RFTN1: variants seen among roughly 807,000 people sequenced by gnomAD.
The protein encoded by RFTN1 is raftlin.
A neutral mutation model predicts 46.5 loss-of-function variants in RFTN1; 26 were observed. The observed-to-expected ratio is 0.56, with a 90% CI of 0.41 to 0.78. RFTN1 has a LOEUF of 0.78. Among genes scored for constraint, RFTN1 ranks in the 30% least tolerant of loss-of-function variants. The pLI, the probability that RFTN1 is intolerant of heterozygous loss-of-function variation, is 0.00. For synonymous variants in RFTN1, 261 were observed against 284.2 expected (o/e 0.92, Z 0.82); for missense variants, 693 against 718.7 (o/e 0.96, Z 0.41).
rs1472494129 is a variant in RFTN1, at chr3:16,460,211, AT to A, written c.146-26175del. Among the ~76,000 whole-genome samples the A allele has an allele frequency of 6.6e-6, 1 of 152,094 alleles. No individual in the cohort carries two copies. Among genetic ancestry groups the A allele is most frequent in the Non-Finnish European group, 1.5e-5 (1 of 68,010 alleles). On this transcript the variant is annotated intron_variant, in intron 2 of 9. Coordinates refer to ENST00000334133, the MANE Select transcript of RFTN1 (RefSeq NM_015150.2). This position sits in a 1 kb window ranked among gnomAD's most constrained non-coding sequence, Gnocchi z 4.8. ...TCTCAATTTCTCTTTTTCCACCGTG[AT>A]TTTTATCTATTGTGTTATTTTGATA...
rs1312850810 is a variant in RFTN1 at position 16,480,457 on chromosome 3, C to CAGGT, written c.145+13264_145+13267dup. ...ACATCTCAGTGGCTGCTAAGTGTAG[C>CAGGT]AGGTACTCCTTGCCCATGTAATTTT... On this transcript the variant is annotated intron_variant, in intron 2 of 9. Coordinates refer to ENST00000334133, the MANE Select transcript of RFTN1 (RefSeq NM_015150.2). This position sits in a 1 kb window ranked among gnomAD's most constrained non-coding sequence, Gnocchi z 4.3. 6.6e-6 allele frequency among the ~76,000 whole-genome samples: 1 copy of CAGGT among 152,182 alleles called. No homozygotes were observed. The highest frequency in any genetic ancestry group is 2.4e-5 in the African/African-American group (1 of 41,432).
chr3:16,482,231 C>T (rs762417305), intron 2 of RFTN1, among the ~76,000 whole-genome samples: 2 of 152,238 alleles, frequency 1.3e-5, no homozygotes, highest in Non-Finnish European at 2.9e-5. Flanking sequence ...CAAGACCACC[C>T]TATTTGTCAG....
At chr3:16,497,416 A>G (rs2076643616) in intron 1 of RFTN1, among the ~76,000 whole-genome samples, 1 of 152,248 alleles carries the variant, frequency 6.6e-6, no homozygotes, top group South Asian at 2.1e-4. Context: ...CTGTGTATAC[A>G]TTACAGAGTT....
At chr3:16,467,062 T>C (rs1341802853) in intron 2 of RFTN1, among the ~76,000 whole-genome samples, 1 of 152,116 alleles carries the variant, frequency 6.6e-6, no homozygotes, top group African/African-American at 2.4e-5. Flanking sequence ...GCGTTTAGTC[T>C]AATGATGTGT....
At chr3:16,406,667 A>C (rs775689045) in intron 4 of RFTN1, among the ~76,000 whole-genome samples, 6 of 152,224 alleles carry the variant, frequency 3.9e-5, no homozygotes, top group Non-Finnish European at 7.3e-5. Context: ...ATAAGTCTTC[A>C]CTTAATGTTG....
At chr3:16,441,709 T>C (rs929362138) in intron 2 of RFTN1, among the ~76,000 whole-genome samples, 1 of 152,238 alleles carries the variant, frequency 6.6e-6, no homozygotes, top group Non-Finnish European at 1.5e-5. Context: ...GGTCTTCTAA[T>C]TACATCCGCT....
At chr3:16,401,659 T>A (rs9853719) in intron 4 of RFTN1, among the ~76,000 whole-genome samples, 1 of 152,040 alleles carries the variant, frequency 6.6e-6, no homozygotes, top group Non-Finnish European at 1.5e-5. Context: ...AGTATATCTC[T>A]GTTATGAATT....
Position 16,341,590 on chromosome 3 carries a change from A to G in RFTN1, c.1147-14714T>C, listed in dbSNP as rs573341949. ...TCTGTAGATTCAGTTCAGTTTTGCT[A>G]TGAACCTAAAACTACTCTAAAATAT... On this transcript the variant is annotated intron_variant, in intron 7 of 9. Coordinates refer to ENST00000334133, the MANE Select transcript of RFTN1 (RefSeq NM_015150.2). This position sits in a 1 kb window ranked among gnomAD's most constrained non-coding sequence, Gnocchi z 4.7. Among the ~76,000 whole-genome samples, 286 of 152,324 alleles carry G rather than the reference A, an allele frequency of 1.9e-3. 3 individuals are homozygous for G. The highest frequency in any genetic ancestry group is 6.2e-3 in the African/African-American group (259 of 41,580).
In RFTN1 at chr3:16,429,702, A is replaced by G. The variant is rs2075347940; in HGVS notation, c.332+4149T>C. On this transcript the variant is annotated intron_variant, in intron 3 of 9. Coordinates refer to ENST00000334133, the MANE Select transcript of RFTN1 (RefSeq NM_015150.2). This position sits in a 1 kb window ranked among gnomAD's most constrained non-coding sequence, Gnocchi z 6.4. The stretch of plus-strand genomic sequence containing the variant: ...GTGTTAGTGAATGAGTGAGGGGATA[A>G]ATGCAGGCTTGAGGGGTTCCGTCTG... Among the ~76,000 whole-genome samples, 1 of 152,188 alleles carries G rather than the reference A, an allele frequency of 6.6e-6. No individual in the cohort carries two copies. Among genetic ancestry groups the G allele is most frequent in the Non-Finnish European group, 1.5e-5 (1 of 68,014 alleles).
Position 16,474,016 on chromosome 3 carries a change from C to T in RFTN1, c.145+19709G>A, listed in dbSNP as rs1474806411. Among the ~76,000 whole-genome samples the T allele has an allele frequency of 1.3e-5, 2 of 152,162 alleles. No individual in the cohort carries two copies. Among genetic ancestry groups the T allele is most frequent in the African/African-American group, 2.4e-5 (1 of 41,420 alleles). ...GGAGAGGGATTGATTAGGACAAACG[C>T]CCTCATTTTGCAGATGAAGGAATGA... On this transcript the variant is annotated intron_variant, in intron 2 of 9. Transcript: ENST00000334133. The surrounding 1 kb of genome is among the most constrained non-coding windows in gnomAD (Gnocchi z 5.5).
rs752860987 is a variant in RFTN1 at position 16,452,271 on chromosome 3, TA to T, written c.146-18235del. Among the ~76,000 whole-genome samples the T allele has an allele frequency of 3.6e-4, 53 of 148,524 alleles. No homozygotes were observed. Among genetic ancestry groups the T allele is most frequent in the African/African-American group, 1.1e-3 (45 of 40,508 alleles). ...AGAAGCCAAAGATTCTAAAGAAAAC[TA>T]AAAAAAAAATAATAGCTGTCAAGGT... On this transcript the variant is annotated intron_variant, in intron 2 of 9. Coordinates refer to ENST00000334133, the MANE Select transcript of RFTN1 (RefSeq NM_015150.2). The surrounding 1 kb of genome is among the most constrained non-coding windows in gnomAD (Gnocchi z 6.3).
intron 6 of RFTN1, among the ~76,000 whole-genome samples, chr3:16,358,805 G>A (rs1207776321): frequency 1.3e-5 from 2 of 152,100 alleles, no homozygotes; most frequent in African/African-American, 2.4e-5. Context: ...GCCAAGGCAG[G>A]AGGATTCACT....
At chr3:16,403,788 T>TATATA (rs2074691967) in intron 4 of RFTN1, among the ~76,000 whole-genome samples, 1 of 10,486 alleles carries the variant, frequency 9.5e-5, no homozygotes, top group African/African-American at 4.2e-4. Flanking sequence ...TATTATATAT[T>TATATA]TTATATATAA....
Position 16,322,285 on chromosome 3 carries a change from G to T in RFTN1, c.1332+1091C>A, listed in dbSNP as rs1344042692. Among the ~76,000 whole-genome samples, 2 of 152,222 alleles carry T rather than the reference G, an allele frequency of 1.3e-5. No homozygotes were observed. The highest frequency in any genetic ancestry group is 4.8e-5 in the African/African-American group (2 of 41,456). ...CCTTCCTCCACACTCCAGCCCATCT[G>T]GCTTCAAGTCACCATTGCTTTGGCA... On this transcript the variant is annotated intron_variant, in intron 9 of 9. Transcript: ENST00000334133. This position sits in a 1 kb window ranked among gnomAD's most constrained non-coding sequence, Gnocchi z 6.2.
At position 16,459,020 on chromosome 3, in the gene RFTN1, G is replaced by A. The variant is rs113612630; in HGVS notation, c.146-24983C>T. ...TGCCATCACAGGTCACTGCAGCCTC[G>A]ACCTCCCAGACTCAGGTGATTCTCC... On this transcript the variant is annotated intron_variant, in intron 2 of 9. Coordinates refer to ENST00000334133, the MANE Select transcript of RFTN1 (RefSeq NM_015150.2). This position sits in a 1 kb window ranked among gnomAD's most constrained non-coding sequence, Gnocchi z 4.2. Among the ~76,000 whole-genome samples, 101 of 152,152 alleles carry A rather than the reference G, an allele frequency of 6.6e-4. No individual in the cohort carries two copies. Among genetic ancestry groups the A allele is most frequent in the African/African-American group, 2.4e-3 (98 of 41,502 alleles).
chr3:16,439,712 T>A (rs534006551), intron 2 of RFTN1, among the ~76,000 whole-genome samples: 1 of 152,102 alleles, frequency 6.6e-6, no homozygotes, highest in Non-Finnish European at 1.5e-5. Flanking sequence ...GGCTGGAAGA[T>A]ACCCACTGCC....
intron 3 of RFTN1, among the ~76,000 whole-genome samples, chr3:16,416,575 A>C (rs1400704056): frequency 6.6e-6 from 1 of 152,198 alleles, no homozygotes; most frequent in Non-Finnish European, 1.5e-5. Flanking sequence ...TCTCTGGAAT[A>C]CCTTTGCAAC....
Position 16,450,607 on chromosome 3 carries a change from C to T in RFTN1, c.146-16570G>A, listed in dbSNP as rs1299991814. 6.6e-6 allele frequency among the ~76,000 whole-genome samples: 1 copy of T among 152,192 alleles called. No homozygotes were observed. The highest frequency in any genetic ancestry group is 1.5e-5 in the Non-Finnish European group (1 of 68,032). ...ACACTAGGTCTTGGCCTGTCTCTAC[C>T]TCCTGTCTCTAACTGCTCCTGAGGC... On this transcript the variant is annotated intron_variant, in intron 2 of 9. Transcript: ENST00000334133. This position sits in a 1 kb window ranked among gnomAD's most constrained non-coding sequence, Gnocchi z 4.6.
chr3:16,370,337 G>A lies in RFTN1; in HGVS notation c.827-58C>T. 1 of 1,524,078 alleles carries A rather than the reference G, an allele frequency of 6.6e-7. No homozygotes were observed. Among genetic ancestry groups the A allele is most frequent in the Non-Finnish European group, 9.1e-7 (1 of 1,098,880 alleles). The allele number at this position is 1,524,078 out of a possible 1,614,324, so 94.4% of individuals were successfully genotyped here. Reference sequence around the variant, plus strand: ...AGAGGTCAACTGATGATAAAAATCTGTTTCATCGGCTTAAGTGGAATCTCT... The same window carrying A: ...AGAGGTCAACTGATGATAAAAATCTATTTCATCGGCTTAAGTGGAATCTCT... On this transcript the variant is annotated intron_variant, in intron 5 of 9. Coordinates refer to ENST00000334133, the MANE Select transcript of RFTN1 (RefSeq NM_015150.2). This position sits in a 1 kb window ranked among gnomAD's most constrained non-coding sequence, Gnocchi z 5.5.
Sources: gnomAD v4.1 joint callset for allele counts (sites outside exome capture counted in the v4.1 genomes callset) on GRCh38, gnomAD v4.1.1 for gene constraint, Gnocchi (gnomAD v3.1) non-coding constraint, MANE v1.5 for transcripts, NCBI Gene and HGNC (gene_info 2026-07-23, HGNC 2026-07-21) for gene names.